The following TMEM238 variants were observed in gnomAD, a reference collection of about 807,000 sequenced individuals.
TMEM238 encodes the protein transmembrane protein 238.
For synonymous variants in TMEM238, 103 were observed against 111.5 expected, an observed-to-expected ratio of 0.92 and a Z score of 0.48; for missense variants, 169 against 206.8, an observed-to-expected ratio of 0.82 and a Z score of 1.12.
chr19:55,383,958 A>G lies in TMEM238; in HGVS notation c.302T>C (p.Leu101Pro), dbSNP rs1224921494. 5.0e-6 allele frequency: 7 copies of G among 1,388,880 alleles called. No homozygotes were observed. The highest frequency in any genetic ancestry group is 6.6e-6 in the Non-Finnish European group (7 of 1,059,806). 86.0% of individuals were successfully genotyped at this position (1,388,880 alleles called of 1,614,324 possible). A position where few individuals can be genotyped will look rare whatever the true frequency, so the allele number is the denominator to read the frequency against. ...TGNIEISRQE[L>P]ERDYGLRPSA... is the part of the protein sequence containing the mutation. ...GGGCCGCAGGCCGTAGTCGCGCTCC[A>G]GCTCCTGGCGCGAGATCTCGATGTT... is the stretch of plus-strand genomic sequence containing the variant. Residue 101 changes from leucine to proline, a missense_variant, in exon 1 of 2, where the codon CTG becomes CCG. Leu to Pro is a moderately conservative substitution (Grantham distance 98, BLOSUM62 -3). Coordinates refer to ENST00000444469, the MANE Select transcript of TMEM238 (RefSeq NM_001190764.2). This position sits in a 1 kb window ranked among gnomAD's most constrained non-coding sequence, Gnocchi z 4.9.
chr19:55,379,756 G>A (rs73617852), intron 1 of TMEM238, among the ~76,000 whole-genome samples: 1,813 of 152,158 alleles, frequency 0.012, 50 homozygotes, highest in African/African-American at 0.041. Flanking sequence ...GCCGGGCATC[G>A]TGGTCCTCAT....
At position 55,383,986 on chromosome 19, in the gene TMEM238, C is replaced by G. The variant is rs953504381; in HGVS notation, c.274G>C (p.Gly92Arg). ...TCCTGGCGCGAGATCTCGATGTTGC[C>G]GGTGTACCAGAGGATCCAGCCCAGC... ...SLLGWILWYT[G>R]NIEISRQELE... The change falls in exon 1 of 2, where the codon GGC becomes CGC. Residue 92 changes from glycine (G) to arginine (R), a missense_variant. By Grantham distance (125) the Gly-to-Arg change is moderately radical. Transcript: ENST00000444469. The surrounding 1 kb of genome is among the most constrained non-coding windows in gnomAD (Gnocchi z 4.9). 7.9e-5 allele frequency: 112 copies of G among 1,424,404 alleles called. No homozygotes were observed. The highest frequency in any genetic ancestry group is 1.6e-4 in the Admixed American group (7 of 44,270). The allele number at this position is 1,424,404 out of a possible 1,614,324, so 88.2% of individuals were successfully genotyped here.
At chr19:55,382,512 C>A (rs1221911606) in intron 1 of TMEM238, among the ~76,000 whole-genome samples, 6 of 152,166 alleles carry the variant, frequency 3.9e-5, no homozygotes, top group South Asian at 2.1e-4. Flanking sequence ...TAAGTTAAAT[C>A]TTAAACATGT....
chr19:55,382,875 C>T (rs2089891880), intron 1 of TMEM238, among the ~76,000 whole-genome samples: 1 of 152,176 alleles, frequency 6.6e-6, no homozygotes, highest in Non-Finnish European at 1.5e-5. Flanking sequence ...CAGGAAAATC[C>T]CAGCTCCTCC....
rs946711721 is a variant in TMEM238 at position 55,380,030 on chromosome 19, G to C, written c.*8-663C>G. On this transcript the variant is annotated intron_variant, in intron 1 of 1. Transcript: ENST00000444469. ...ACTCATGGTGGTCTCGGAGGTTGTGGGGGTACCAGAGCCAGAACCTGTGGG... is the reference window on the plus strand; with the variant it reads ...ACTCATGGTGGTCTCGGAGGTTGTGCGGGTACCAGAGCCAGAACCTGTGGG... Among the ~76,000 whole-genome samples, 5 of 151,822 alleles carry C rather than the reference G, an allele frequency of 3.3e-5. No homozygotes were observed. The East Asian group carries it at 9.7e-4, about 29-fold the overall frequency.
At chr19:55,380,286 TCCC>T (rs770269662) in intron 1 of TMEM238, among the ~76,000 whole-genome samples, 343 of 15,450 alleles carry the variant, frequency 0.022, 2 homozygotes, top group Middle Eastern at 0.038. Flanking sequence ...TCCCCTCCCC[TCCC>T]CCCTTCCCCC....
intron 1 of TMEM238, among the ~76,000 whole-genome samples, chr19:55,380,588 C>G (rs1308518242): frequency 6.6e-6 from 1 of 150,454 alleles, no homozygotes; most frequent in African/African-American, 2.5e-5. Context: ...CCATGCCTGG[C>G]TAATTTTTGT....
chr19:55,379,382 G>A lies in TMEM238; in HGVS notation c.*8-15C>T, dbSNP rs1432095097. The A allele has an allele frequency of 6.6e-6, 1 of 152,248 alleles. No homozygotes were observed. The highest frequency in any genetic ancestry group is 1.5e-5 in the Non-Finnish European group (1 of 68,076). 9.4% of individuals were successfully genotyped at this position (152,248 alleles called of 1,614,324 possible). ...CAAGGGGTTGTCTGCAGGAGGGAGG[G>A]TGGAGTGAGCGACTGCTCAGGAACC... On this transcript the variant is annotated splice_polypyrimidine_tract_variant and intron_variant, in intron 1 of 1. Coordinates refer to ENST00000444469, the MANE Select transcript of TMEM238 (RefSeq NM_001190764.2).
chr19:55,379,605 G>C (rs1002330228), intron 1 of TMEM238, among the ~76,000 whole-genome samples: 1 of 152,128 alleles, frequency 6.6e-6, no homozygotes, highest in Non-Finnish European at 1.5e-5. Context: ...GAGCCAGGGA[G>C]AGGCAGAAAG....
At chr19:55,382,728 T>G (rs757556197) in intron 1 of TMEM238, among the ~76,000 whole-genome samples, 61 of 152,148 alleles carry the variant, frequency 4.0e-4, no homozygotes, top group Non-Finnish European at 5.9e-5. Flanking sequence ...AGCAGGTCTT[T>G]GAGCAGAGGC....
At chr19:55,382,002 C>A (rs557625318) in intron 1 of TMEM238, among the ~76,000 whole-genome samples, 4 of 152,224 alleles carry the variant, frequency 2.6e-5, no homozygotes, top group Non-Finnish European at 5.9e-5. Context: ...CATCAACCAA[C>A]CCATGTATTC....
intron 1 of TMEM238, among the ~76,000 whole-genome samples, chr19:55,380,000 C>T (rs954965344): frequency 3.9e-4 from 59 of 151,558 alleles, no homozygotes; most frequent in African/African-American, 1.4e-3. Context: ...TGGCTCTGCC[C>T]GGCTACTCAT....
chr19:55,384,113 C>T lies in TMEM238; in HGVS notation c.147G>A (p.Met49Ile), dbSNP rs2089898688. Residue 49 changes from methionine to isoleucine, a missense_variant, in exon 1 of 2, where the codon ATG becomes ATA. Met to Ile is a conservative substitution (Grantham distance 10). Coordinates refer to ENST00000444469, the MANE Select transcript of TMEM238 (RefSeq NM_001190764.2). The surrounding 1 kb of genome is among the most constrained non-coding windows in gnomAD (Gnocchi z 5.6). ...CGAACACGCCGGTCAGCAGCGCCGC[C>T]ATGCCCGCCACATCCAGCGCCACGG... ...LLAVALDVAGMAALLTGVFAQ... is the reference protein window; with the variant it reads ...LLAVALDVAGIAALLTGVFAQ... 6.9e-7 allele frequency: 1 copy of T among 1,451,750 alleles called. No homozygotes were observed. The highest frequency in any genetic ancestry group is 9.1e-7 in the Non-Finnish European group (1 of 1,096,644). 89.9% of individuals were successfully genotyped at this position (1,451,750 alleles called of 1,614,324 possible).
At chr19:55,381,418 CAAAAAAAAAAAAA>C (rs56902543) in intron 1 of TMEM238, among the ~76,000 whole-genome samples, 3 of 53,534 alleles carry the variant, frequency 5.6e-5, no homozygotes, top group Non-Finnish European at 1.1e-4. Context: ...AACTCCATCT[CAAAAAAAAAAAAA>C]AAAAAAAAAA....
At position 55,383,115 on chromosome 19, in the gene TMEM238, C is replaced by T. The variant is rs2089892699; in HGVS notation, c.*7+607G>A. Among the ~76,000 whole-genome samples, 1 of 152,212 alleles carries T rather than the reference C, an allele frequency of 6.6e-6. No individual in the cohort carries two copies. The highest frequency in any genetic ancestry group is 1.5e-5 in the Non-Finnish European group (1 of 68,036). On this transcript the variant is annotated intron_variant, in intron 1 of 1. Coordinates refer to ENST00000444469, the MANE Select transcript of TMEM238 (RefSeq NM_001190764.2). This position sits in a 1 kb window ranked among gnomAD's most constrained non-coding sequence, Gnocchi z 4.9. Reference sequence around the variant, plus strand: ...CCTGGTCTGGGCTCAGTGGCTCACGCCTGTAATCCCAGCACTTTGGGAGGC... The same window carrying T: ...CCTGGTCTGGGCTCAGTGGCTCACGTCTGTAATCCCAGCACTTTGGGAGGC...
chr19:55,379,749 G>A (rs758285318), intron 1 of TMEM238, among the ~76,000 whole-genome samples: 32 of 152,078 alleles, frequency 2.1e-4, no homozygotes, highest in Non-Finnish European at 2.6e-4. Flanking sequence ...GAAGGAGGCC[G>A]GGCATCGTGG....
intron 1 of TMEM238, among the ~76,000 whole-genome samples, chr19:55,382,152 G>C (rs796632176): frequency 1.4e-5 from 2 of 143,242 alleles, no homozygotes; most frequent in Non-Finnish European, 3.0e-5. Flanking sequence ...CGCACCCATC[G>C]ATCTACCCAT....
chr19:55,383,847 C>T lies in TMEM238; in HGVS notation c.413G>A (p.Arg138Gln), dbSNP rs909009896. The change falls in exon 1 of 2, where the codon CGG becomes CAG. Residue 138 changes from arginine (R) to glutamine (Q), a missense_variant. By Grantham distance (43) the Arg-to-Gln change is conservative. Coordinates refer to ENST00000444469, the MANE Select transcript of TMEM238 (RefSeq NM_001190764.2). This position sits in a 1 kb window ranked among gnomAD's most constrained non-coding sequence, Gnocchi z 4.9. ...AAGQRPAPGSRRARRAARAPP... is the reference protein window; with the variant it reads ...AAGQRPAPGSQRARRAARAPP... ...CGCGCGGGCGGCTCGGCGCGCTCTC[C>T]GGGAGCCGGGCGCGGGGCGCTGGCC... 4 of 831,970 alleles carry T rather than the reference C, an allele frequency of 4.8e-6. No homozygotes were observed. The African/African-American group carries it at 7.5e-5, about 16-fold the overall frequency. The allele number at this position is 831,970 out of a possible 1,614,324, so 51.5% of individuals were successfully genotyped here.
chr19:55,379,518 T>G (rs1378447852), intron 1 of TMEM238, among the ~76,000 whole-genome samples, 151 bp from the exon 2 acceptor site: 14 of 152,254 alleles, frequency 9.2e-5, no homozygotes, highest in Non-Finnish European at 5.9e-5. Context: ...CATCCCTGCA[T>G]GCCCCCATTT....
Sources: allele counts gnomAD v4.1 joint callset (sites outside exome capture counted in the v4.1 genomes callset), GRCh38; gene constraint gnomAD v4.1.1; non-coding constraint Gnocchi (gnomAD v3.1); transcripts MANE v1.5; gene names NCBI Gene and HGNC (gene_info 2026-07-23, HGNC 2026-07-21).